Variants in ZNRF3 observed in about 807,000 individuals in gnomAD.
The protein encoded by ZNRF3 is E3 ubiquitin-protein ligase ZNRF3.
In ZNRF3, 23 loss-of-function variants were observed where a neutral mutation model predicts 72.5. The ratio of observed to expected loss-of-function variants is 0.32; its 90% CI spans 0.23 to 0.45. The LOEUF (loss-of-function observed/expected upper bound fraction) is 0.45. ZNRF3 is among the 20% of genes least tolerant of loss of function. ZNRF3 has a pLI of 1.00. For synonymous variants in ZNRF3, 610 were observed against 545.3 expected (o/e 1.12, Z -1.65); for missense variants, 1,169 against 1,272.1 (o/e 0.92, Z 1.23).
At chr22:28,979,098 T>G (rs2035723750) in intron 1 of ZNRF3, among the ~76,000 whole-genome samples, 1 of 152,160 alleles carries the variant, frequency 6.6e-6, no homozygotes, top group South Asian at 2.1e-4. Context: ...TAATGAGTCA[T>G]ATTTTTGTTG....
intron 1 of ZNRF3, among the ~76,000 whole-genome samples, chr22:28,926,079 G>A (rs896016759): frequency 1.3e-5 from 2 of 152,182 alleles, no homozygotes; most frequent in Non-Finnish European, 2.9e-5. Context: ...GTTTGCTATG[G>A]AGACCCTGTT....
intron 2 of ZNRF3, among the ~76,000 whole-genome samples, chr22:28,995,777 C>CTT (rs534731089): frequency 4.9e-5 from 7 of 141,878 alleles, no homozygotes; most frequent in Admixed American, 1.4e-4. Context: ...TCAAAACTGC[C>CTT]TTTTTTTTTT....
Position 28,926,023 on chromosome 22 carries a change from G to A in ZNRF3, c.300+41957G>A, listed in dbSNP as rs1435673525. ...CTTGCGTCTTTGTTCAGACACTCAAGGGAGAACCCAGGAAGTTGCACCTGG... is the reference window on the plus strand; with the variant it reads ...CTTGCGTCTTTGTTCAGACACTCAAAGGAGAACCCAGGAAGTTGCACCTGG... On this transcript the variant is annotated intron_variant, in intron 1 of 8. Transcript: ENST00000544604. Among the ~76,000 whole-genome samples the A allele has an allele frequency of 2.0e-5, 3 of 152,172 alleles. No individual in the cohort carries two copies. In the East Asian group the frequency reaches 5.8e-4, roughly 29 times the overall value.
At chr22:28,915,202 C>T (rs183828305) in intron 1 of ZNRF3, among the ~76,000 whole-genome samples, 16 of 152,292 alleles carry the variant, frequency 1.1e-4, no homozygotes, top group Non-Finnish European at 1.9e-4. Context: ...GCTAGAAGTC[C>T]AGAATCAAGG....
chr22:29,034,429 T>C (rs1419611633), intron 2 of ZNRF3, among the ~76,000 whole-genome samples: 1 of 152,196 alleles, frequency 6.6e-6, no homozygotes, highest in Non-Finnish European at 1.5e-5. Context: ...AAGGGGATGA[T>C]ACTCCTCTCA....
chr22:28,991,019 C>T (rs113536982), intron 2 of ZNRF3, among the ~76,000 whole-genome samples: 2,185 of 152,012 alleles, frequency 0.014, 67 homozygotes, highest in African/African-American at 0.051. Flanking sequence ...TGGTGGCTCA[C>T]GCCTGTAATC....
rs1387461928 is a variant in ZNRF3, at chr22:29,030,758, C to A, written c.427-11737C>A. ...CAGGGCTGGTGGAGGGGAGGAGGGA[C>A]CCTGCAGGGCGGTACACGACGGGTG... On this transcript the variant is annotated intron_variant, in intron 2 of 8. Coordinates refer to ENST00000544604, the MANE Select transcript of ZNRF3 (RefSeq NM_001206998.2). This position sits in a 1 kb window ranked among gnomAD's most constrained non-coding sequence, Gnocchi z 4.2. Among the ~76,000 whole-genome samples, 1 of 151,714 alleles carries A rather than the reference C, an allele frequency of 6.6e-6. No individual in the cohort carries two copies. The highest frequency in any genetic ancestry group is 2.4e-5 in the African/African-American group (1 of 41,232).
At chr22:28,982,566 TAAAA>T (rs57062209) in intron 1 of ZNRF3, among the ~76,000 whole-genome samples, 7 of 137,652 alleles carry the variant, frequency 5.1e-5, no homozygotes, top group East Asian at 2.1e-4. Flanking sequence ...ACCCTGCCTT[TAAAA>T]AAAAAAAAAA....
intron 1 of ZNRF3, among the ~76,000 whole-genome samples, chr22:28,895,892 A>G (rs2033984987): frequency 6.6e-6 from 1 of 152,094 alleles, no homozygotes; most frequent in East Asian, 1.9e-4. Flanking sequence ...CACTTACAGT[A>G]TCTTAGTTCA....
chr22:28,927,459 ATATT>A (rs2034625201), intron 1 of ZNRF3, among the ~76,000 whole-genome samples: 1 of 152,326 alleles, frequency 6.6e-6, no homozygotes, highest in East Asian at 1.9e-4. Flanking sequence ...TTTGATTTAT[ATATT>A]AAATGAGCAT....
intron 1 of ZNRF3, among the ~76,000 whole-genome samples, chr22:28,895,283 C>G (rs1288725973): frequency 6.6e-6 from 1 of 152,186 alleles, no homozygotes; most frequent in East Asian, 1.9e-4. Flanking sequence ...AAGTCTGGAG[C>G]CATTGGCCTG....
intron 1 of ZNRF3, among the ~76,000 whole-genome samples, chr22:28,925,293 G>C (rs1345856835): frequency 6.6e-6 from 1 of 152,178 alleles, no homozygotes; most frequent in Non-Finnish European, 1.5e-5. Flanking sequence ...GCATCTTACA[G>C]ATGTCCCAAC....
rs557423290 is a variant in ZNRF3, at chr22:28,998,167, C to T, written c.426+10966C>T. ...TACATAAATTAGCCGGGCATGGTGG[C>T]GGGCACCTGTAATCCCAGCTACTCG... is the stretch of plus-strand genomic sequence containing the variant. On this transcript the variant is annotated intron_variant, in intron 2 of 8. Coordinates refer to ENST00000544604, the MANE Select transcript of ZNRF3 (RefSeq NM_001206998.2). Among the ~76,000 whole-genome samples, 4 of 151,764 alleles carry T rather than the reference C, an allele frequency of 2.6e-5. No individual in the cohort carries two copies. In the South Asian group the frequency reaches 6.3e-4, roughly 24 times the overall value.
chr22:28,887,872 C>A (rs1310493256), intron 1 of ZNRF3, among the ~76,000 whole-genome samples: 3 of 152,256 alleles, frequency 2.0e-5, no homozygotes, highest in African/African-American at 7.2e-5. Flanking sequence ...TAAATAAAGG[C>A]CCGATTAAAC....
chr22:28,928,490 CTTTTT>C (rs10710766), intron 1 of ZNRF3, among the ~76,000 whole-genome samples: 6 of 80,602 alleles, frequency 7.4e-5, no homozygotes, highest in African/African-American at 1.6e-4. Context: ...CCAGAAATGT[CTTTTT>C]TTTTTTTTTT....
chr22:28,906,576 T>C (rs1981127054), intron 1 of ZNRF3, among the ~76,000 whole-genome samples: 1 of 152,178 alleles, frequency 6.6e-6, no homozygotes, highest in Non-Finnish European at 1.5e-5. Flanking sequence ...CAAAAGACTA[T>C]GAAAATTAGA....
chr22:28,947,194 C>A (rs1483857765), intron 1 of ZNRF3, among the ~76,000 whole-genome samples: 1 of 151,956 alleles, frequency 6.6e-6, no homozygotes. Context: ...TGATAACTTG[C>A]TATCAGCCAT....
intron 1 of ZNRF3, among the ~76,000 whole-genome samples, chr22:28,937,862 A>T (rs994977985): frequency 6.6e-6 from 1 of 152,194 alleles, no homozygotes. Context: ...GTTGCTTTTT[A>T]AAAAAACAAC....
At chr22:28,954,226 C>T (rs1234612270) in intron 1 of ZNRF3, among the ~76,000 whole-genome samples, 11 of 152,148 alleles carry the variant, frequency 7.2e-5, no homozygotes. Context: ...TCTCATAGTT[C>T]TAGGTGCTGG....
Sources: gnomAD v4.1 joint callset for allele counts (sites outside exome capture counted in the v4.1 genomes callset) on GRCh38, gnomAD v4.1.1 for gene constraint, Gnocchi (gnomAD v3.1) non-coding constraint, MANE v1.5 for transcripts, NCBI Gene and HGNC (gene_info 2026-07-23, HGNC 2026-07-21) for gene names.